The following TMEM38B variants were observed in gnomAD, a reference collection of about 807,000 sequenced individuals.
The protein encoded by TMEM38B is transmembrane protein 38B, also known as trimeric intracellular cation channel type B.
A neutral mutation model predicts 28.7 loss-of-function variants in TMEM38B; 24 were observed. That is an observed-to-expected ratio of 0.84 (90% CI 0.61 to 1.18). The LOEUF (loss-of-function observed/expected upper bound fraction) is 1.18. TMEM38B is among the 50% of genes most tolerant of loss of function. The pLI, the probability that TMEM38B is intolerant of heterozygous loss-of-function variation, is 0.00. For missense variants in TMEM38B, 380 were observed against 350.9 expected (o/e 1.08, Z -0.66); for synonymous variants, 131 against 127.7 (o/e 1.03, Z -0.17).
intron 5 of TMEM38B, chr9:105,759,313 T>G (rs1837950021): frequency 4.5e-6 from 4 of 889,426 alleles, no homozygotes; most frequent in Non-Finnish European, 7.4e-6. Flanking sequence ...TCTTAAAAAT[T>G]CCTTCACAAT....
chr9:105,742,425 T>C (rs879939419), intron 4 of TMEM38B, among the ~76,000 whole-genome samples: 11 of 152,220 alleles, frequency 7.2e-5, no homozygotes, highest in Non-Finnish European at 1.3e-4. Flanking sequence ...TGAACCTTTT[T>C]CCTCCTCTTT....
chr9:105,721,318 T>C (rs1836308771), intron 2 of TMEM38B, among the ~76,000 whole-genome samples: 2 of 152,190 alleles, frequency 1.3e-5, no homozygotes, highest in Admixed American at 1.3e-4. Context: ...GTTTACATTC[T>C]TCTCTGATCA....
rs1385099655 is a variant in TMEM38B, at chr9:105,694,592, A to G, written c.-69A>G. 3 of 1,330,714 alleles carry G rather than the reference A, an allele frequency of 2.3e-6. No individual in the cohort carries two copies. Among genetic ancestry groups the G allele is most frequent in the Non-Finnish European group, 3.2e-6 (3 of 929,476 alleles). The allele number at this position is 1,330,714 out of a possible 1,614,324, so 82.4% of individuals were successfully genotyped here. On this transcript the variant is annotated 5_prime_UTR_variant, in exon 1 of 6. Coordinates refer to ENST00000374692, the MANE Select transcript of TMEM38B (RefSeq NM_018112.3). ...GGCGGCCGCGGCTGTGCCCTCTCCT[A>G]CTCCTCACCGCGCGAGCGCGGGGAA...
At chr9:105,716,550 C>G (rs1357257071) in intron 2 of TMEM38B, among the ~76,000 whole-genome samples, 2 of 147,458 alleles carry the variant, frequency 1.4e-5, no homozygotes, top group African/African-American at 5.1e-5. Context: ...TACCCACTTG[C>G]ATTTTGGGGT....
chr9:105,751,411 C>G (rs1301647578), intron 5 of TMEM38B, among the ~76,000 whole-genome samples: 2 of 152,232 alleles, frequency 1.3e-5, no homozygotes, highest in African/African-American at 4.8e-5. Context: ...GCCCATGCCA[C>G]CAGGGTCTTG....
chr9:105,721,219 A>G (rs1054341806), intron 2 of TMEM38B, among the ~76,000 whole-genome samples: 4 of 152,196 alleles, frequency 2.6e-5, no homozygotes, highest in African/African-American at 9.6e-5. Context: ...TTGTTACTGG[A>G]TTCAGCACTT....
chr9:105,700,481 AT>A (rs1835427808), intron 1 of TMEM38B, among the ~76,000 whole-genome samples: 1 of 152,170 alleles, frequency 6.6e-6, no homozygotes, highest in Non-Finnish European at 1.5e-5. Flanking sequence ...GGTTTAGTAA[AT>A]TATGGAGCTA....
intron 5 of TMEM38B, among the ~76,000 whole-genome samples, chr9:105,753,816 TAC>T (rs1460526268): frequency 6.6e-6 from 1 of 152,040 alleles, no homozygotes; most frequent in Non-Finnish European, 1.5e-5. Flanking sequence ...ATAACAACAA[TAC>T]TAACCTTAAA....
At chr9:105,720,351 T>G (rs1836273779) in intron 2 of TMEM38B, among the ~76,000 whole-genome samples, 2 of 151,976 alleles carry the variant, frequency 1.3e-5, no homozygotes, top group South Asian at 2.1e-4. Flanking sequence ...TATTTTATAT[T>G]ATAAAGAATA....
intron 2 of TMEM38B, among the ~76,000 whole-genome samples, chr9:105,714,227 A>T (rs1319325415): frequency 6.6e-6 from 1 of 152,080 alleles, no homozygotes. Context: ...TGACAGCTGC[A>T]CACTCAACAG....
intron 5 of TMEM38B, chr9:105,748,943 C>T (rs933833275): frequency 1.9e-6 from 1 of 534,030 alleles, no homozygotes; most frequent in African/African-American, 2.0e-5. Context: ...TTTATGGCCA[C>T]CTCTGTTTTA....
intron 5 of TMEM38B, among the ~76,000 whole-genome samples, chr9:105,757,608 C>T (rs7026814): frequency 0.23 from 35,643 of 152,066 alleles, 6,870 homozygotes; most frequent in African/African-American, 0.51. Flanking sequence ...TGAAAAAACA[C>T]TGAGAAGTGT....
intron 4 of TMEM38B, among the ~76,000 whole-genome samples, chr9:105,738,107 A>G (rs1031362389): frequency 6.6e-6 from 1 of 152,152 alleles, no homozygotes. Flanking sequence ...GGTGTAGCAC[A>G]GTAGCAGGTT....
At chr9:105,729,944 C>A (rs1198320793) in intron 4 of TMEM38B, among the ~76,000 whole-genome samples, 1 of 152,144 alleles carries the variant, frequency 6.6e-6, no homozygotes, top group African/African-American at 2.4e-5. Context: ...TGAAAATTTG[C>A]TGAAGTTGCT....
chr9:105,732,387 C>T (rs1836782493), intron 4 of TMEM38B, among the ~76,000 whole-genome samples: 1 of 152,118 alleles, frequency 6.6e-6, no homozygotes, highest in Admixed American at 6.5e-5. Flanking sequence ...TTTGCCCATG[C>T]CTTTGTCCTG....
intron 5 of TMEM38B, chr9:105,759,704 A>G: frequency 6.3e-7 from 1 of 1,598,510 alleles, no homozygotes; most frequent in African/African-American, 1.3e-5. Flanking sequence ...AAGCCCAAAC[A>G]GGAATTCCTG....
rs186864213 is a variant in TMEM38B at position 105,705,590 on chromosome 9, A to T, written c.113-7A>T. The T allele has an allele frequency of 6.2e-7, 1 of 1,610,614 alleles. No individual in the cohort carries two copies. Among genetic ancestry groups the T allele is most frequent in the Non-Finnish European group, 8.5e-7 (1 of 1,178,124 alleles). ...ATCACAGACCATATTTTACTTTACC[A>T]TTTCAGGAGCAGCTGCATTGGCATG... On this transcript the variant is annotated splice_region_variant and splice_polypyrimidine_tract_variant and intron_variant, in intron 1 of 5. Transcript: ENST00000374692.
intron 5 of TMEM38B, among the ~76,000 whole-genome samples, chr9:105,756,124 G>A (rs1837822249): frequency 6.6e-6 from 1 of 152,042 alleles, no homozygotes; most frequent in African/African-American, 2.4e-5. Flanking sequence ...ACTCTAGCCT[G>A]GGCAACAGAG....
chr9:105,738,333 G>T (rs1564403218), intron 4 of TMEM38B, among the ~76,000 whole-genome samples: 1 of 152,052 alleles, frequency 6.6e-6, no homozygotes, highest in Non-Finnish European at 1.5e-5. Flanking sequence ...GTTTCAAGCT[G>T]ACCCTGTCAG....
Sources: allele counts gnomAD v4.1 joint callset (sites outside exome capture counted in the v4.1 genomes callset), GRCh38; gene constraint gnomAD v4.1.1; transcripts MANE v1.5; gene names NCBI Gene and HGNC (gene_info 2026-07-23, HGNC 2026-07-21).